Variants in CLCN1 observed in about 807,000 individuals in gnomAD.
CLCN1 encodes the protein chloride voltage-gated channel 1.
A neutral mutation model predicts 114.5 loss-of-function variants in CLCN1; 100 were observed. The ratio of observed to expected loss-of-function variants is 0.87; its 90% CI spans 0.74 to 1.03. The LOEUF is 1.03. Among genes scored for constraint, CLCN1 ranks in the 50% least tolerant of loss-of-function variants. The pLI is 0.00. For synonymous variants in CLCN1, 485 were observed against 487.1 expected, an observed-to-expected ratio of 1.00 and a Z score of 0.06; for missense variants, 1,188 against 1,250.0, an observed-to-expected ratio of 0.95 and a Z score of 0.75.
chr7:143,347,444 A>C (rs2116389500), intron 20 of CLCN1, among the ~76,000 whole-genome samples: 1 of 151,416 alleles, frequency 6.6e-6, no homozygotes, highest in South Asian at 2.1e-4. Flanking sequence ...AACGTGGTGA[A>C]ACTCCATTTC....
chr7:143,336,291 T>C (rs968044645), intron 12 of CLCN1, among the ~76,000 whole-genome samples: 10 of 149,230 alleles, frequency 6.7e-5, no homozygotes, highest in Non-Finnish European at 1.2e-4. Context: ...TGAAATTGAG[T>C]GTTTAAAATC....
intron 15 of CLCN1, 56 bp downstream of exon 15, chr7:143,342,198 G>C (rs893976511): frequency 3.2e-6 from 5 of 1,566,840 alleles, no homozygotes; most frequent in Non-Finnish European, 4.4e-6. Context: ...GGGAGGTTCT[G>C]AGGCTGAGAC....
chr7:143,322,232 C>T (rs912488064), intron 5 of CLCN1, among the ~76,000 whole-genome samples: 12 of 152,168 alleles, frequency 7.9e-5, no homozygotes, highest in African/African-American at 2.9e-4. Flanking sequence ...CCATATGGAC[C>T]CTGGAGGACA....
chr7:143,345,690 G>T lies in CLCN1; in HGVS notation c.2100G>T (p.Ala700=), dbSNP rs747257219. The part of the protein sequence containing the change: ...ARLAGEGLPG[A]PPGRPESFAF... ...TGGCTGGGGAGGGGCTCCCCGGCGC[G>T]CCTCCAGGCCGGCCCGAGTCCTTCG... The change falls in exon 17 of 23, where the codon GCG becomes GCT. Residue 700 remains alanine (A), a synonymous_variant. Transcript: ENST00000343257. 1.2e-5 allele frequency: 18 copies of T among 1,556,850 alleles called. No homozygotes were observed. The highest frequency in any genetic ancestry group is 1.6e-5 in the Non-Finnish European group (18 of 1,151,982).
At chr7:143,323,677 C>A (rs1480643381) in intron 6 of CLCN1, 1 of 589,982 alleles carries the variant, frequency 1.7e-6, no homozygotes, top group Non-Finnish European at 3.3e-6. Flanking sequence ...CCATACCACC[C>A]CCTCTGTGTT....
chr7:143,337,993 ATTTATTT>A (rs1411864562), intron 12 of CLCN1, among the ~76,000 whole-genome samples: 37 of 150,214 alleles, frequency 2.5e-4, no homozygotes, highest in African/African-American at 7.1e-4. Context: ...TGCCTGGCTA[ATTTATTT>A]TTTATTTTTT....
chr7:143,324,539 C>A lies in CLCN1; in HGVS notation c.853+47C>A. On this transcript the variant is annotated intron_variant, in intron 7 of 22. Transcript: ENST00000343257. This position sits in a 1 kb window ranked among gnomAD's most constrained non-coding sequence, Gnocchi z 4.6. ...CCATCAATCGGCTTGCCTGGCCTGG[C>A]TCCCAAAACAGTTTTAATCAGTATC... 5 of 1,431,808 alleles carry A rather than the reference C, an allele frequency of 3.5e-6. No homozygotes were observed. The highest frequency in any genetic ancestry group is 4.9e-6 in the Non-Finnish European group (5 of 1,014,142). 88.7% of individuals were successfully genotyped at this position (1,431,808 alleles called of 1,614,324 possible).
intron 12 of CLCN1, among the ~76,000 whole-genome samples, chr7:143,336,132 T>G (rs1802881243): frequency 6.6e-6 from 1 of 152,180 alleles, no homozygotes. Flanking sequence ...CTAGTATCAC[T>G]AAGTTCTCTG....
rs890990594 is a variant in CLCN1, at chr7:143,323,573, C to A, written c.774+187C>A. ...CTGGCCACGTGATGCCTCTGTTTAG[C>A]CTGTGCCTGTCCTCCAAATGTCCAC... On this transcript the variant is annotated intron_variant, in intron 6 of 22. Transcript: ENST00000343257. 8.6e-6 allele frequency: 6 copies of A among 701,130 alleles called. No individual in the cohort carries two copies. The African/African-American group carries it at 1.1e-4, about 12-fold the overall frequency. 43.4% of individuals were successfully genotyped at this position (701,130 alleles called of 1,614,324 possible).
intron 7 of CLCN1, among the ~76,000 whole-genome samples, chr7:143,329,297 GA>G (rs1802660789): frequency 6.6e-6 from 1 of 152,118 alleles, no homozygotes; most frequent in Admixed American, 6.6e-5. Flanking sequence ...GGGGATCTCT[GA>G]AATGTAAAGA....
At chr7:143,325,391 A>C (rs1448247450) in intron 7 of CLCN1, among the ~76,000 whole-genome samples, 1 of 152,262 alleles carries the variant, frequency 6.6e-6, no homozygotes, top group Non-Finnish European at 1.5e-5. Context: ...AGGAATGATA[A>C]GTGGAGAAGA....
chr7:143,331,765 A>T (rs977653444), intron 10 of CLCN1, 113 bp downstream of exon 10: 1 of 752,490 alleles, frequency 1.3e-6, no homozygotes, highest in Non-Finnish European at 2.4e-6. Flanking sequence ...CTTGCATTAA[A>T]ATATAAGGAA....
chr7:143,324,533 G>A lies in CLCN1; in HGVS notation c.853+41G>A, dbSNP rs759792663. On this transcript the variant is annotated intron_variant, in intron 7 of 22. Transcript: ENST00000343257. This position sits in a 1 kb window ranked among gnomAD's most constrained non-coding sequence, Gnocchi z 4.6. ...CCTCCCCCATCAATCGGCTTGCCTG[G>A]CCTGGCTCCCAAAACAGTTTTAATC... 6.7e-7 allele frequency: 1 copy of A among 1,488,024 alleles called. No individual in the cohort carries two copies. The highest frequency in any genetic ancestry group is 2.3e-5 in the East Asian group (1 of 44,284). 92.2% of individuals were successfully genotyped at this position (1,488,024 alleles called of 1,614,324 possible).
rs1422961557 is a variant in CLCN1 at position 143,321,931 on chromosome 7, G to A, written c.696+83G>A. 2 of 1,495,310 alleles carry A rather than the reference G, an allele frequency of 1.3e-6. No individual in the cohort carries two copies. Among genetic ancestry groups the A allele is most frequent in the East Asian group, 2.4e-5 (1 of 42,382 alleles). 92.6% of individuals were successfully genotyped at this position (1,495,310 alleles called of 1,614,324 possible). ...ACCAACTCTAGAGGGAGCTCTGGGAGTGGAAGTGGATCAGGGGACAGGACC... is the reference window on the plus strand; with the variant it reads ...ACCAACTCTAGAGGGAGCTCTGGGAATGGAAGTGGATCAGGGGACAGGACC... On this transcript the variant is annotated intron_variant, in intron 5 of 22. Coordinates refer to ENST00000343257, the MANE Select transcript of CLCN1 (RefSeq NM_000083.3). The surrounding 1 kb of genome is among the most constrained non-coding windows in gnomAD (Gnocchi z 4.2).
At chr7:143,341,343 G>A (rs1413813448) in intron 14 of CLCN1, among the ~76,000 whole-genome samples, 1 of 152,086 alleles carries the variant, frequency 6.6e-6, no homozygotes, top group Non-Finnish European at 1.5e-5. Context: ...CAGATCACTT[G>A]AGGCCAGGAA....
intron 2 of CLCN1, 49 bp downstream of exon 2, chr7:143,319,924 G>A: frequency 5.0e-6 from 8 of 1,604,616 alleles, no homozygotes; most frequent in Middle Eastern, 1.7e-4. Context: ...ACAGGTACAG[G>A]GATTAGGAGA....
At chr7:143,328,062 G>A (rs559338141) in intron 7 of CLCN1, among the ~76,000 whole-genome samples, 1 of 152,270 alleles carries the variant, frequency 6.6e-6, no homozygotes, top group South Asian at 2.1e-4. Flanking sequence ...ACCAAGACTG[G>A]GTATATGGGA....
In CLCN1 at chr7:143,339,281, T is replaced by A. The variant is rs1424967747; in HGVS notation, c.1430T>A (p.Met477Lys). ...KFWMSIVATT[M>K]PIPCGGFMPV... ...TGGATGTCCATCGTGGCCACCACTA[T>A]GCCCATACCCTGCGGAGGCTTCATG... The change falls in exon 13 of 23, where the codon ATG becomes AAG. Residue 477 changes from methionine (M) to lysine (K), a missense_variant. Transcript: ENST00000343257. This position sits in a 1 kb window ranked among gnomAD's most constrained non-coding sequence, Gnocchi z 4.1. 2 of 1,613,386 alleles carry A rather than the reference T, an allele frequency of 1.2e-6. No homozygotes were observed. Among genetic ancestry groups the A allele is most frequent in the Admixed American group, 1.7e-5 (1 of 60,024 alleles).
In CLCN1 at chr7:143,351,741, G is replaced by A. The variant is rs1803414174; in HGVS notation, c.2743G>A (p.Gly915Arg). 1 of 1,614,066 alleles carries A rather than the reference G, an allele frequency of 6.2e-7. No homozygotes were observed. Among genetic ancestry groups the A allele is most frequent in the Admixed American group, 1.7e-5 (1 of 60,010 alleles). The stretch of plus-strand genomic sequence containing the variant: ...CTGGAACCTGCCTGAGGACAGGCCT[G>A]GGGCCACTGGAACAGGGGATGTGAT... Reference protein sequence around the residue: ...ENWNLPEDRPGATGTGDVIAA... With the variant: ...ENWNLPEDRPRATGTGDVIAA... The change falls in exon 23 of 23, where the codon GGG becomes AGG. Residue 915 changes from glycine (G) to arginine (R), a missense_variant. Gly to Arg is a moderately radical substitution (Grantham distance 125). Transcript: ENST00000343257.
Sources: allele counts gnomAD v4.1 joint callset (sites outside exome capture counted in the v4.1 genomes callset), GRCh38; gene constraint gnomAD v4.1.1; non-coding constraint Gnocchi (gnomAD v3.1); transcripts MANE v1.5; gene names NCBI Gene and HGNC (gene_info 2026-07-23, HGNC 2026-07-21).